AFF3: variants seen among roughly 807,000 people sequenced by gnomAD.
The protein encoded by AFF3 is AF4/FMR2 family member 3.
A neutral mutation model predicts 129.7 loss-of-function variants in AFF3; 32 were observed. That is an observed-to-expected ratio of 0.25 (90% confidence interval 0.19 to 0.33). The LOEUF is 0.33. Among genes scored for constraint, AFF3 ranks in the 10% least tolerant of loss-of-function variants. The pLI is 1.00. For missense variants in AFF3, 1,373 were observed against 1,592.0 expected, an observed-to-expected ratio of 0.86 and a Z score of 2.34; for synonymous variants, 644 against 635.4, an observed-to-expected ratio of 1.01 and a Z score of -0.20.
intron 11 of AFF3, among the ~76,000 whole-genome samples, chr2:99,718,353 A>G (rs1424525170): frequency 1.3e-5 from 2 of 152,190 alleles, no homozygotes; most frequent in African/African-American, 4.8e-5. Context: ...TGTAATTTTC[A>G]TTATACAAGT....
At chr2:99,646,908 C>T (rs1291355717) in intron 13 of AFF3, among the ~76,000 whole-genome samples, 1 of 152,122 alleles carries the variant, frequency 6.6e-6, no homozygotes, top group Non-Finnish European at 1.5e-5. Flanking sequence ...GTTACAAATG[C>T]TTATCACTTA....
At chr2:100,104,325 C>T in intron 4 of AFF3, 77 bp downstream of exon 4, 1 of 536,106 alleles carries the variant, frequency 1.9e-6, no homozygotes. Flanking sequence ...GCCCCCGGCC[C>T]AGGTGAGGAC....
At chr2:99,844,364 A>G (rs920113886) in intron 7 of AFF3, among the ~76,000 whole-genome samples, 9 of 151,978 alleles carry the variant, frequency 5.9e-5, no homozygotes, top group African/African-American at 2.2e-4. Context: ...CACTGTTTCA[A>G]AGTAAAACCC....
At chr2:99,648,885 GCA>G (rs1185084808) in intron 13 of AFF3, among the ~76,000 whole-genome samples, 130 of 93,808 alleles carry the variant, frequency 1.4e-3, no homozygotes, top group African/African-American at 1.5e-3. Context: ...AAACACGCGC[GCA>G]CACACACACA....
rs745651225 is a variant in AFF3 at position 99,632,008 on chromosome 2, C to CTTTT, written c.1184+17614_1184+17617dup. 2.8e-3 allele frequency among the ~76,000 whole-genome samples: 213 copies of CTTTT among 76,906 alleles called. 32 individuals carry two copies. The highest frequency in any genetic ancestry group is 3.8e-3 in the Non-Finnish European group (169 of 44,456). 50.5% of individuals were successfully genotyped at this position (76,906 alleles called of 152,430 possible). A position where few individuals can be genotyped will look rare whatever the true frequency, so the allele number is the denominator to read the frequency against. ...CAATTTATCCACAACCTTGCCAACA[C>CTTTT]TTTTTTTTTTTTTTTTTTTTTTTTT... is the stretch of plus-strand genomic sequence containing the variant. On this transcript the variant is annotated intron_variant, in intron 13 of 24. Coordinates refer to ENST00000672756, the MANE Select transcript of AFF3 (RefSeq NM_001386135.1).
intron 19 of AFF3, among the ~76,000 whole-genome samples, 193 bp from the exon 20 acceptor site, chr2:99,565,816 A>G (rs1186813055): frequency 2.0e-5 from 3 of 152,208 alleles, no homozygotes; most frequent in Non-Finnish European, 4.4e-5. Context: ...GGAGTAAGTG[A>G]GCGAACAGTT....
At chr2:99,634,156 C>T (rs994612287) in intron 13 of AFF3, among the ~76,000 whole-genome samples, 1 of 152,228 alleles carries the variant, frequency 6.6e-6, no homozygotes, top group Non-Finnish European at 1.5e-5. Context: ...GATCCACCTG[C>T]TTCGGCCTTC....
At chr2:99,951,224 T>C (rs1676134930) in intron 7 of AFF3, among the ~76,000 whole-genome samples, 1 of 152,230 alleles carries the variant, frequency 6.6e-6, no homozygotes, top group African/African-American at 2.4e-5. Context: ...TCTGATTTTG[T>C]ATTCATAAAG....
At chr2:100,130,020 A>G (rs1368818998) in intron 1 of AFF3, among the ~76,000 whole-genome samples, 2 of 152,178 alleles carry the variant, frequency 1.3e-5, no homozygotes, top group Non-Finnish European at 2.9e-5. Context: ...CATATTGTGC[A>G]TGAAAAGGAG....
intron 7 of AFF3, among the ~76,000 whole-genome samples, chr2:99,987,291 T>A (rs115186449): frequency 6.6e-6 from 1 of 152,230 alleles, no homozygotes; most frequent in African/African-American, 2.4e-5. Flanking sequence ...GGGGTCCTCA[T>A]TTATAAGCGA....
At chr2:99,879,632 T>C (rs1692552191) in intron 7 of AFF3, among the ~76,000 whole-genome samples, 1 of 152,208 alleles carries the variant, frequency 6.6e-6, no homozygotes, top group Non-Finnish European at 1.5e-5. Flanking sequence ...ATGGTCCTTA[T>C]ACTCTTGTGT....
At chr2:99,652,459 C>T (rs1685349088) in intron 12 of AFF3, among the ~76,000 whole-genome samples, 1 of 152,072 alleles carries the variant, frequency 6.6e-6, no homozygotes, top group African/African-American at 2.4e-5. Context: ...AGGGTGCCTG[C>T]AGAGAAACAC....
In AFF3 at chr2:99,550,196, A is replaced by C. The variant is rs917449154; in HGVS notation, c.*1278T>G. On this transcript the variant is annotated 3_prime_UTR_variant, in exon 25 of 25. Coordinates refer to ENST00000672756, the MANE Select transcript of AFF3 (RefSeq NM_001386135.1). Reference sequence around the variant, plus strand: ...CTAAAATGTAAACTTAATTAAAAAAAGAAAACAAGAGAAAAACTCAGAGCA... The same window carrying C: ...CTAAAATGTAAACTTAATTAAAAAACGAAAACAAGAGAAAAACTCAGAGCA... 1.7e-5 allele frequency: 4 copies of C among 230,276 alleles called. No individual in the cohort carries two copies. The highest frequency in any genetic ancestry group is 8.8e-5 in the African/African-American group (4 of 45,200). The allele number at this position is 230,276 out of a possible 1,614,324, so 14.3% of individuals were successfully genotyped here. A position where few individuals can be genotyped will look rare whatever the true frequency, so the allele number is the denominator to read the frequency against.
chr2:99,549,210 A>G lies in AFF3; in HGVS notation c.*2264T>C, dbSNP rs766408222. ...TCAAGAGTAGGTAGAACAAAGCCTCAGTCCTCCAAAAAAATGACTCAAAAT... is the reference window on the plus strand; with the variant it reads ...TCAAGAGTAGGTAGAACAAAGCCTCGGTCCTCCAAAAAAATGACTCAAAAT... On this transcript the variant is annotated 3_prime_UTR_variant, in exon 25 of 25. Transcript: ENST00000672756. 4 of 212,902 alleles carry G rather than the reference A, an allele frequency of 1.9e-5. No homozygotes were observed. The highest frequency in any genetic ancestry group is 3.8e-5 in the Non-Finnish European group (4 of 105,260). The allele number at this position is 212,902 out of a possible 1,614,324, so 13.2% of individuals were successfully genotyped here.
chr2:99,964,913 TTC>T (rs1195018409), intron 7 of AFF3, among the ~76,000 whole-genome samples: 1 of 152,192 alleles, frequency 6.6e-6, no homozygotes, highest in Non-Finnish European at 1.5e-5. Flanking sequence ...CTTGTGTTTT[TTC>T]TTACAACTGC....
intron 19 of AFF3, among the ~76,000 whole-genome samples, chr2:99,566,875 C>A (rs2053915): frequency 0.71 from 107,737 of 152,080 alleles, 39,038 homozygotes; most frequent in African/African-American, 0.86. Context: ...AGCTTCAAAA[C>A]CAGAAATGCA....
intron 19 of AFF3, among the ~76,000 whole-genome samples, chr2:99,566,887 A>G (rs1261605526): frequency 6.6e-6 from 1 of 152,218 alleles, no homozygotes; most frequent in Non-Finnish European, 1.5e-5. Flanking sequence ...AGAAATGCAG[A>G]GCAAAACTTC....
At position 99,549,832 on chromosome 2, in the gene AFF3, A is replaced by G. The variant is rs1559461887; in HGVS notation, c.*1642T>C. On this transcript the variant is annotated 3_prime_UTR_variant, in exon 25 of 25. Coordinates refer to ENST00000672756, the MANE Select transcript of AFF3 (RefSeq NM_001386135.1). ...AGATCAGGCTAACAAAAATGTTAAC[A>G]CTGCAAACCAACCTGTAAGAATATC... 4.5e-6 allele frequency: 1 copy of G among 223,208 alleles called. No homozygotes were observed. Among genetic ancestry groups the G allele is most frequent in the Non-Finnish European group, 8.9e-6 (1 of 111,848 alleles). 13.8% of individuals were successfully genotyped at this position (223,208 alleles called of 1,614,324 possible).
intron 7 of AFF3, among the ~76,000 whole-genome samples, chr2:99,985,380 TTAC>T (rs1679770661): frequency 6.6e-6 from 1 of 152,238 alleles, no homozygotes; most frequent in Non-Finnish European, 1.5e-5. Flanking sequence ...CCCATTTCTT[TTAC>T]TCATAAAATT....
Sources: gnomAD v4.1 joint callset for allele counts (sites outside exome capture counted in the v4.1 genomes callset) on GRCh38, gnomAD v4.1.1 for gene constraint, MANE v1.5 for transcripts, NCBI Gene and HGNC (gene_info 2026-07-23, HGNC 2026-07-21) for gene names.